The following SP6 variants were observed in gnomAD, a reference collection of about 807,000 sequenced individuals.
The protein encoded by SP6 is Sp6 transcription factor, also known as transcription factor Sp6.
A neutral mutation model predicts 23.4 loss-of-function variants in SP6; 10 were observed. That is an observed-to-expected ratio of 0.43 (90% CI 0.26 to 0.72). SP6 has a LOEUF of 0.72. Ranked by LOEUF, SP6 falls within the 30% of genes least tolerant of loss-of-function variation. The probability of loss-of-function intolerance (pLI) is 0.23; values close to 1 mark genes in which losing one functional copy is unlikely to be tolerated. For synonymous variants in SP6, 238 were observed against 238.7 expected (o/e 1.00, Z 0.03); for missense variants, 482 against 523.8 (o/e 0.92, Z 0.78).
chr17:47,869,534 C>G, the SP6 span, among the ~76,000 whole-genome samples: 1 of 152,144 alleles, frequency 6.6e-6, no homozygotes, highest in Non-Finnish European at 1.5e-5. Context: ...TGCATCCTGT[C>G]CCTCCTATTG....
chr17:47,854,691 G>A (rs1444312994), upstream of SP6, among the ~76,000 whole-genome samples: 1 of 152,210 alleles, frequency 6.6e-6, no homozygotes, highest in African/African-American at 2.4e-5. Flanking sequence ...CTGTCCTGTA[G>A]AGATTGCACT....
At chr17:47,865,167 A>T in the SP6 span, 2 of 152,246 alleles carry the variant, frequency 1.3e-5, no homozygotes, top group Non-Finnish European at 2.9e-5. Flanking sequence ...TTTCTGTCAT[A>T]AAACAAATTA....
chr17:47,862,162 G>A, the SP6 span, among the ~76,000 whole-genome samples: 1 of 151,572 alleles, frequency 6.6e-6, no homozygotes, highest in African/African-American at 2.4e-5. Flanking sequence ...CCTGGCCAAC[G>A]TGGTGAAACT....
the SP6 span, among the ~76,000 whole-genome samples, chr17:47,861,823 A>T: frequency 6.6e-6 from 1 of 151,934 alleles, no homozygotes; most frequent in African/African-American, 2.4e-5. Flanking sequence ...AAGTGGGCAG[A>T]CTGCTTAAGC....
the SP6 span, among the ~76,000 whole-genome samples, chr17:47,866,433 T>C: frequency 1.3e-5 from 2 of 152,002 alleles, no homozygotes; most frequent in African/African-American, 4.8e-5. Flanking sequence ...GGGGCCATGG[T>C]GATGCCTGGG....
chr17:47,873,467 C>T, the SP6 span, among the ~76,000 whole-genome samples: 1 of 152,234 alleles, frequency 6.6e-6, no homozygotes, highest in African/African-American at 2.4e-5. Flanking sequence ...AGGTTAACAG[C>T]ATGCCAGCTG....
At chr17:47,871,676 T>C in the SP6 span, among the ~76,000 whole-genome samples, 1 of 151,772 alleles carries the variant, frequency 6.6e-6, no homozygotes, top group African/African-American at 2.4e-5. Context: ...TGGAGTGCAG[T>C]GGCGTGATCT....
At chr17:47,870,885 A>T in the SP6 span, among the ~76,000 whole-genome samples, 2 of 152,282 alleles carry the variant, frequency 1.3e-5, no homozygotes, top group Non-Finnish European at 2.9e-5. Flanking sequence ...GATGGGCTCT[A>T]TAACCTAGAG....
At chr17:47,860,718 TAAAATAAATAAA>T (rs2034029933), upstream of SP6, among the ~76,000 whole-genome samples, 1 of 134,638 alleles carries the variant, frequency 7.4e-6, no homozygotes, top group Non-Finnish European at 1.5e-5. Flanking sequence ...AAAAAAAAGT[TAAAATAAATAAA>T]TAAATAAATA....
chr17:47,847,346 C>T lies in SP6; in HGVS notation c.1084G>A (p.Gly362Ser). The T allele has an allele frequency of 6.3e-7, 1 of 1,598,446 alleles. No homozygotes were observed. Residue 362 changes from glycine to serine, a missense_variant, in exon 2 of 2, where the codon GGC becomes AGC. Physicochemically the swap from Gly to Ser is moderately conservative, Grantham distance 56 (BLOSUM62 0). This residue lies in a region of SP6 where 101 missense variants were observed against 99.3 expected (regional missense o/e 1.02). Coordinates refer to ENST00000536300, the MANE Select transcript of SP6 (RefSeq NM_001258248.2). Reference sequence around the variant, plus strand: ...CCCTCGGCCTCGCGTTTGCCTTTGCCCCCGGGGGGCTCCACTGCGCCGCCG... The same window carrying T: ...CCCTCGGCCTCGCGTTTGCCTTTGCTCCCGGGGGGCTCCACTGCGCCGCCG... Reference protein sequence around the residue: ...KAGGAVEPPGGKGKREAEGSV... With the variant: ...KAGGAVEPPGSKGKREAEGSV...
the SP6 span, among the ~76,000 whole-genome samples, chr17:47,861,534 A>G: frequency 2.6e-5 from 4 of 152,176 alleles, no homozygotes; most frequent in Admixed American, 2.6e-4. Context: ...GGAGTTCGAG[A>G]CCAGCCTGGC....
At chr17:47,856,871 G>A (rs142802478), upstream of SP6, among the ~76,000 whole-genome samples, 41 of 152,018 alleles carry the variant, frequency 2.7e-4, no homozygotes, top group Admixed American at 1.7e-3. Context: ...CTCCCAGGAT[G>A]AGCCAGGGAG....
the SP6 span, among the ~76,000 whole-genome samples, chr17:47,868,968 G>A: frequency 6.6e-6 from 1 of 152,254 alleles, no homozygotes; most frequent in South Asian, 2.1e-4. Context: ...AGCTTATCCT[G>A]AAACCACACA....
upstream of SP6, chr17:47,855,610 T>G (rs753066865): frequency 1.3e-5 from 2 of 152,130 alleles, no homozygotes; most frequent in Non-Finnish European, 2.9e-5. Flanking sequence ...CCTGATCCTC[T>G]TTGTGGAGGT....
chr17:47,871,570 G>A, the SP6 span, among the ~76,000 whole-genome samples: 1 of 151,482 alleles, frequency 6.6e-6, no homozygotes, highest in Non-Finnish European at 1.5e-5. Context: ...TCTCTGCATA[G>A]CATGTGTTCC....
chr17:47,863,563 TC>T, the SP6 span: 2 of 44,028 alleles, frequency 4.5e-5, no homozygotes, highest in African/African-American at 1.6e-4. Flanking sequence ...CTGGACTTCT[TC>T]TTCTTTTTTT....
At chr17:47,869,728 C>A in the SP6 span, among the ~76,000 whole-genome samples, 1 of 152,110 alleles carries the variant, frequency 6.6e-6, no homozygotes, top group African/African-American at 2.4e-5. Flanking sequence ...GGTTTAATAA[C>A]CTGAAGGTGG....
At chr17:47,860,038 C>T (rs2034024677), upstream of SP6, among the ~76,000 whole-genome samples, 1 of 151,374 alleles carries the variant, frequency 6.6e-6, no homozygotes, top group African/African-American at 2.4e-5. Context: ...TTCAATAGCC[C>T]CCCATTACCT....
chr17:47,872,955 C>T, the SP6 span, among the ~76,000 whole-genome samples: 4 of 152,108 alleles, frequency 2.6e-5, no homozygotes, highest in Admixed American at 2.0e-4. Flanking sequence ...CTTTTTGGGT[C>T]CTGGAGAAGC....
Sources: gnomAD v4.1 joint callset for allele counts (sites outside exome capture counted in the v4.1 genomes callset) on GRCh38, gnomAD v4.1.1 for gene constraint, gnomAD v4.1.1 regional missense constraint, MANE v1.5 for transcripts, NCBI Gene and HGNC (gene_info 2026-07-23, HGNC 2026-07-21) for gene names.